Variants in SYNE1 observed in about 807,000 individuals in gnomAD.
The protein encoded by SYNE1 is spectrin repeat containing nuclear envelope protein 1.
A neutral mutation model predicts 1,111.0 loss-of-function variants in SYNE1; 616 were observed. That is an observed-to-expected ratio of 0.55 (90% CI 0.52 to 0.59). SYNE1 has a LOEUF of 0.59. Ranked by LOEUF, SYNE1 falls within the 20% of genes least tolerant of loss-of-function variation. The pLI, the probability that SYNE1 is intolerant of heterozygous loss-of-function variation, is 0.00. For synonymous variants in SYNE1, 3,855 were observed against 3,825.8 expected, an observed-to-expected ratio of 1.01 and a Z score of -0.28; for missense variants, 10,006 against 10,417.0, an observed-to-expected ratio of 0.96 and a Z score of 1.72.
At chr6:152,557,051 C>T (rs900222055) in intron 3 of SYNE1, among the ~76,000 whole-genome samples, 9 of 151,982 alleles carry the variant, frequency 5.9e-5, no homozygotes, top group African/African-American at 2.2e-4. Context: ...AGAAAGGCAG[C>T]TAACCCAAAT....
In SYNE1 at chr6:152,176,465, T is replaced by C; in HGVS notation, c.23556A>G (p.Ala7852=). The C allele has an allele frequency of 1.9e-6, 3 of 1,614,216 alleles. No homozygotes were observed. Among genetic ancestry groups the C allele is most frequent in the South Asian group, 2.2e-5 (2 of 91,084 alleles). Reference sequence around the variant, plus strand: ...TTCCCAGCTTGTATTCAATCTCAGATGCTTTGCTTTCATGGCTGGCTTTAG... The same window carrying C: ...TTCCCAGCTTGTATTCAATCTCAGACGCTTTGCTTTCATGGCTGGCTTTAG... ...RLAKASHESK[A]SEIEYKLGKV... The change falls in exon 130 of 146, where the codon GCA becomes GCG. Residue 7852 remains alanine, a synonymous_variant. Coordinates refer to ENST00000367255, the MANE Select transcript of SYNE1 (RefSeq NM_182961.4).
chr6:152,246,287 A>G (rs1278814227), intron 105 of SYNE1, among the ~76,000 whole-genome samples: 2 of 152,190 alleles, frequency 1.3e-5, no homozygotes, highest in African/African-American at 2.4e-5. Context: ...AAGCAAACAA[A>G]TAAAAGCAAG....
intron 3 of SYNE1, among the ~76,000 whole-genome samples, chr6:152,562,369 G>A (rs1455061143): frequency 6.6e-6 from 1 of 152,096 alleles, no homozygotes; most frequent in Non-Finnish European, 1.5e-5. Flanking sequence ...GCATTAGGAT[G>A]TATATTATCA....
At chr6:152,413,235 A>T in intron 42 of SYNE1, 117 bp downstream of exon 42, 1 of 1,138,024 alleles carries the variant, frequency 8.8e-7, no homozygotes, top group Non-Finnish European at 1.3e-6. Flanking sequence ...GACACAGAAT[A>T]TCTAAAATGG....
rs961891153 is a variant in SYNE1, at chr6:152,310,768, C to G, written c.16816G>C (p.Val5606Leu). 5 of 1,613,956 alleles carry G rather than the reference C, an allele frequency of 3.1e-6. No homozygotes were observed. The highest frequency in any genetic ancestry group is 2.7e-5 in the African/African-American group (2 of 74,892). Residue 5606 changes from valine (V) to leucine (L), a missense_variant, in exon 88 of 146, where the codon GTG becomes CTG. Val to Leu is a conservative substitution (Grantham distance 32). Coordinates refer to ENST00000367255, the MANE Select transcript of SYNE1 (RefSeq NM_182961.4). ...TCAGTCTCCCGTCCCAGTTCTGCCACTTGCTGAGACATTTTTTCTGTACAG... is the reference window on the plus strand; with the variant it reads ...TCAGTCTCCCGTCCCAGTTCTGCCAGTTGCTGAGACATTTTTTCTGTACAG... Reference protein sequence around the residue: ...VYCTEKMSQQVAELGRETEEL... With the variant: ...VYCTEKMSQQLAELGRETEEL...
At chr6:152,549,200 C>T (rs1204177064) in intron 3 of SYNE1, among the ~76,000 whole-genome samples, 3 of 152,202 alleles carry the variant, frequency 2.0e-5, no homozygotes, top group Non-Finnish European at 4.4e-5. Flanking sequence ...CACATCCATA[C>T]ATACTTGATA....
intron 90 of SYNE1, 141 bp from the exon 91 acceptor site, chr6:152,308,773 G>T: frequency 1.1e-6 from 1 of 917,560 alleles, no homozygotes; most frequent in Non-Finnish European, 1.6e-6. Context: ...TAGATGGTTT[G>T]AATTCCTCAC....
chr6:152,204,076 A>C (rs1345892189), intron 126 of SYNE1, among the ~76,000 whole-genome samples: 2 of 152,198 alleles, frequency 1.3e-5, no homozygotes, highest in Non-Finnish European at 2.9e-5. Context: ...AAAAGAGATA[A>C]GATCATCACG....
At chr6:152,483,288 A>G in intron 13 of SYNE1, 39 bp from the exon 14 acceptor site, 1 of 1,572,272 alleles carries the variant, frequency 6.4e-7, no homozygotes, top group African/African-American at 1.3e-5. Flanking sequence ...TATCTTTAAT[A>G]CAGATGGCAA....
chr6:152,164,020 G>T, intron 131 of SYNE1, 143 bp downstream of exon 131: 1 of 1,137,702 alleles, frequency 8.8e-7, no homozygotes, highest in Non-Finnish European at 1.3e-6. Context: ...GCCTGCCTAG[G>T]CAAAGCCCCC....
At chr6:152,289,353 A>C (rs1217823590) in intron 95 of SYNE1, among the ~76,000 whole-genome samples, 1 of 152,192 alleles carries the variant, frequency 6.6e-6, no homozygotes, top group Non-Finnish European at 1.5e-5. Flanking sequence ...GTGAAAAGAA[A>C]CACGGACCTT....
intron 58 of SYNE1, 24 bp from the exon 59 acceptor site, chr6:152,373,243 G>C: frequency 6.3e-7 from 1 of 1,583,698 alleles, no homozygotes; most frequent in East Asian, 2.2e-5. Flanking sequence ...TATAGAATTA[G>C]CCATAATGAA....
chr6:152,249,938 C>T (rs1167094391), intron 104 of SYNE1, among the ~76,000 whole-genome samples: 3 of 151,994 alleles, frequency 2.0e-5, no homozygotes, highest in African/African-American at 7.2e-5. Flanking sequence ...TACTTAATTC[C>T]ACAGGGAATA....
At chr6:152,610,081 C>T (rs2099626985) in intron 3 of SYNE1, among the ~76,000 whole-genome samples, 1 of 152,190 alleles carries the variant, frequency 6.6e-6, no homozygotes, top group African/African-American at 2.4e-5. Context: ...ACCAGAGTGC[C>T]TCTTCTCCTC....
intron 129 of SYNE1, among the ~76,000 whole-genome samples, chr6:152,177,135 A>G (rs374535334): frequency 7.9e-5 from 12 of 152,294 alleles, no homozygotes; most frequent in African/African-American, 2.6e-4. Flanking sequence ...TCAATGATAA[A>G]TTAACTTTCA....
At chr6:152,320,623 T>C (rs1207828109) in intron 84 of SYNE1, among the ~76,000 whole-genome samples, 1 of 152,204 alleles carries the variant, frequency 6.6e-6, no homozygotes, top group Non-Finnish European at 1.5e-5. Context: ...CACTCTGGTC[T>C]CAACACCAAA....
At chr6:152,184,627 C>CACAT (rs1554508077) in intron 128 of SYNE1, among the ~76,000 whole-genome samples, 43 of 140,180 alleles carry the variant, frequency 3.1e-4, no homozygotes, top group African/African-American at 8.4e-4. Context: ...GGATTATACA[C>CACAT]ATATATAGAT....
In SYNE1 at chr6:152,180,290, G is replaced by A. The variant is rs2067625503; in HGVS notation, c.23306C>T (p.Ser7769Phe). The A allele has an allele frequency of 6.2e-7, 1 of 1,614,002 alleles. No individual in the cohort carries two copies. Among genetic ancestry groups the A allele is most frequent in the East Asian group, 2.2e-5 (1 of 44,852 alleles). Residue 7769 changes from serine to phenylalanine, a missense_variant, in exon 129 of 146, where the codon TCC (serine) becomes TTC (phenylalanine). Physicochemically the swap from Ser to Phe is radical, Grantham distance 155. Transcript: ENST00000367255. ...TTCACCTATTTGCTGCCGCCTTAAG[G>A]AGAGCTGAAAAGTTTAAAATGGGAG... ...RQWEELCHQL[S>F]LRRQQIGERL...
Position 152,385,856 on chromosome 6 carries a change from G to C in SYNE1, c.8488-18C>G, listed in dbSNP as rs201282545. The C allele has an allele frequency of 4.3e-6, 7 of 1,613,552 alleles. No individual in the cohort carries two copies. The highest frequency in any genetic ancestry group is 5.9e-6 in the Non-Finnish European group (7 of 1,179,782). On this transcript the variant is annotated intron_variant, in intron 54 of 145. Transcript: ENST00000367255. ...ATTTTTTCCTAGTAAACAAAGAAAAGACTACCTTAACAGTGGTCCTTTTGA... is the reference window on the plus strand; with the variant it reads ...ATTTTTTCCTAGTAAACAAAGAAAACACTACCTTAACAGTGGTCCTTTTGA...
Sources: gnomAD v4.1 joint callset for allele counts (sites outside exome capture counted in the v4.1 genomes callset) on GRCh38, gnomAD v4.1.1 for gene constraint, MANE v1.5 for transcripts, NCBI Gene and HGNC (gene_info 2026-07-23, HGNC 2026-07-21) for gene names.